The following TLE4 variants were observed in gnomAD, a reference collection of about 807,000 sequenced individuals.
TLE4 encodes the protein TLE family member 4, transcriptional corepressor.
A neutral mutation model predicts 92.8 loss-of-function variants in TLE4; 8 were observed. The observed-to-expected ratio is 0.09, with a 90% CI of 0.05 to 0.16. TLE4 has a LOEUF of 0.16. TLE4 is among the 10% of genes least tolerant of loss of function. The probability of loss-of-function intolerance (pLI) is 1.00; values close to 1 mark genes in which losing one functional copy is unlikely to be tolerated. For missense variants in TLE4, 675 were observed against 997.6 expected (o/e 0.68, Z 4.36); for synonymous variants, 371 against 374.1 (o/e 0.99, Z 0.10).
At chr9:79,598,476 C>T (rs1269784653) in intron 4 of TLE4, among the ~76,000 whole-genome samples, 1 of 152,142 alleles carries the variant, frequency 6.6e-6, no homozygotes, top group Non-Finnish European at 1.5e-5. Context: ...TTCTCTGCCC[C>T]TTTCTCCTTT....
chr9:79,629,114 T>G (rs928270376), intron 6 of TLE4, among the ~76,000 whole-genome samples: 1 of 152,176 alleles, frequency 6.6e-6, no homozygotes, highest in Non-Finnish European at 1.5e-5. Context: ...TAGCTTAGCG[T>G]TTACTGTTTG....
In TLE4 at chr9:79,586,088, C is replaced by T. The variant is rs536725241; in HGVS notation, c.252+9911C>T. On this transcript the variant is annotated intron_variant, in intron 4 of 19. Transcript: ENST00000376552. ...TTTTCCTTTGGCATATATTAGAAAACTTAGGCTGGGCACGTGGCTTACGCC... is the reference window on the plus strand; with the variant it reads ...TTTTCCTTTGGCATATATTAGAAAATTTAGGCTGGGCACGTGGCTTACGCC... 5.0e-4 allele frequency among the ~76,000 whole-genome samples: 71 copies of T among 141,494 alleles called. 1 individual carries two copies. Among genetic ancestry groups the T allele is most frequent in the Admixed American group, 2.0e-3 (28 of 14,308 alleles). 92.8% of individuals were successfully genotyped at this position (141,494 alleles called of 152,430 possible). A position where few individuals can be genotyped will look rare whatever the true frequency, so the allele number is the denominator to read the frequency against.
intron 8 of TLE4, among the ~76,000 whole-genome samples, chr9:79,654,909 C>T (rs937515921): frequency 1.3e-5 from 2 of 152,110 alleles, no homozygotes; most frequent in African/African-American, 4.8e-5. Flanking sequence ...ATTGGGAGGC[C>T]GAGGTGGGCG....
At chr9:79,601,748 T>C (rs2045721516) in intron 4 of TLE4, among the ~76,000 whole-genome samples, 1 of 152,138 alleles carries the variant, frequency 6.6e-6, no homozygotes, top group African/African-American at 2.4e-5. Context: ...GGCCAATTAA[T>C]AACCCTACAC....
rs540624541 is a variant in TLE4 at position 79,652,098 on chromosome 9, A to G, written c.391-495A>G. Reference sequence around the variant, plus strand: ...AACCTCCAAGTATAAGAAAGGTAGCATTTATTGACTACACAGCTCATTTGC... The same window carrying G: ...AACCTCCAAGTATAAGAAAGGTAGCGTTTATTGACTACACAGCTCATTTGC... On this transcript the variant is annotated intron_variant, in intron 6 of 19. Coordinates refer to ENST00000376552, the MANE Select transcript of TLE4 (RefSeq NM_007005.6). Among the ~76,000 whole-genome samples the G allele has an allele frequency of 1.5e-4, 14 of 94,870 alleles. 2 individuals carry two copies. In the South Asian group the frequency reaches 6.7e-3, roughly 45 times the overall value. The allele number at this position is 94,870 out of a possible 152,430, so 62.2% of individuals were successfully genotyped here.
intron 8 of TLE4, among the ~76,000 whole-genome samples, chr9:79,692,174 C>G (rs975250291): frequency 3.9e-5 from 6 of 152,174 alleles, no homozygotes; most frequent in African/African-American, 1.4e-4. Context: ...CTAGTCTTCA[C>G]TTAGCATTGT....
intron 5 of TLE4, among the ~76,000 whole-genome samples, chr9:79,614,347 C>T (rs911575617): frequency 5.3e-5 from 8 of 152,092 alleles, no homozygotes; most frequent in African/African-American, 1.9e-4. Context: ...TCTGCAGGAT[C>T]TGTGGGTTGT....
intron 4 of TLE4, among the ~76,000 whole-genome samples, chr9:79,590,736 ACTTT>A (rs1350469415): frequency 1.3e-5 from 2 of 152,118 alleles, no homozygotes; most frequent in Admixed American, 6.5e-5. Context: ...TACAAATCCC[ACTTT>A]CTTAAGATAC....
chr9:79,588,158 G>GTGTGTGTGTC (rs955247273), intron 4 of TLE4, among the ~76,000 whole-genome samples: 2 of 151,822 alleles, frequency 1.3e-5, no homozygotes, highest in African/African-American at 4.8e-5. Flanking sequence ...GTGTGTGTGT[G>GTGTGTGTGTC]TGTGTTTTGA....
At chr9:79,608,981 T>C (rs1163117327) in intron 4 of TLE4, among the ~76,000 whole-genome samples, 1 of 152,124 alleles carries the variant, frequency 6.6e-6, no homozygotes. Flanking sequence ...GGTATAGGGT[T>C]AACTAAGTTT....
chr9:79,577,582 CTACCT>C (rs1329914073), intron 4 of TLE4, among the ~76,000 whole-genome samples: 1 of 152,178 alleles, frequency 6.6e-6, no homozygotes, highest in Non-Finnish European at 1.5e-5. Flanking sequence ...TCTCTTAGTT[CTACCT>C]TACAGGAATA....
chr9:79,668,446 C>G (rs1417341637), intron 8 of TLE4, among the ~76,000 whole-genome samples: 2 of 152,116 alleles, frequency 1.3e-5, no homozygotes, highest in African/African-American at 2.4e-5. Flanking sequence ...GTGTGTTTAG[C>G]AGTTTACCCT....
At chr9:79,704,580 C>T (rs2070968518) in intron 8 of TLE4, 3 of 588,498 alleles carry the variant, frequency 5.1e-6, no homozygotes, top group Admixed American at 3.3e-5. Context: ...ATTATCTTTC[C>T]CCCTTGTCTT....
intron 14 of TLE4, among the ~76,000 whole-genome samples, chr9:79,716,124 A>T (rs770584146): frequency 7.2e-5 from 11 of 152,212 alleles, no homozygotes; most frequent in African/African-American, 1.2e-4. Flanking sequence ...AAGTCTCCAG[A>T]ATCATATCTG....
At chr9:79,610,352 C>CCACAGG (rs2048083127) in intron 4 of TLE4, among the ~76,000 whole-genome samples, 1 of 152,054 alleles carries the variant, frequency 6.6e-6, no homozygotes, top group African/African-American at 2.4e-5. Flanking sequence ...AAGTGTGTGT[C>CCACAGG]CACAGTGTTA....
At chr9:79,612,036 C>T (rs1382431928) in intron 4 of TLE4, among the ~76,000 whole-genome samples, 2 of 151,476 alleles carry the variant, frequency 1.3e-5, no homozygotes, top group African/African-American at 4.9e-5. Flanking sequence ...ATCTCAACCT[C>T]TGCACACTGA....
At chr9:79,708,522 A>G in intron 12 of TLE4, 71 bp from the exon 13 acceptor site, 1 of 1,391,186 alleles carries the variant, frequency 7.2e-7, no homozygotes, top group Non-Finnish European at 9.9e-7. Context: ...CTATTTTGTG[A>G]CATGTTTACA....
intron 4 of TLE4, among the ~76,000 whole-genome samples, chr9:79,584,389 A>G (rs1587703091): frequency 6.6e-6 from 1 of 152,212 alleles, no homozygotes; most frequent in South Asian, 2.1e-4. Context: ...ATTGAAATAT[A>G]AAGCCAAGGT....
rs1349419827 is a variant in TLE4 at position 79,698,859 on chromosome 9, T to TTA, written c.610-5913_610-5912dup. ...CTTTTTTCCAATTGAGGATTATTTC[T>TTA]TATATATATATACATATATATATAT... On this transcript the variant is annotated intron_variant, in intron 8 of 19. Coordinates refer to ENST00000376552, the MANE Select transcript of TLE4 (RefSeq NM_007005.6). 6.4e-3 allele frequency among the ~76,000 whole-genome samples: 936 copies of TTA among 146,330 alleles called. 7 individuals are homozygous for TTA. The highest frequency in any genetic ancestry group is 0.021 in the African/African-American group (814 of 39,230).
Sources: allele counts gnomAD v4.1 joint callset (sites outside exome capture counted in the v4.1 genomes callset), GRCh38; gene constraint gnomAD v4.1.1; transcripts MANE v1.5; gene names NCBI Gene and HGNC (gene_info 2026-07-23, HGNC 2026-07-21).